DENND4C: variants seen among roughly 807,000 people sequenced by gnomAD.
The protein encoded by DENND4C is DENN domain-containing protein 4C.
DENND4C carries 108 observed loss-of-function variants against 203.0 expected under a neutral mutation model. The ratio of observed to expected loss-of-function variants is 0.53; its 90% CI spans 0.46 to 0.62. DENND4C has a LOEUF of 0.62. DENND4C is among the 20% of genes least tolerant of loss of function. DENND4C has a pLI of 0.00. For synonymous variants in DENND4C, 871 were observed against 792.4 expected, an observed-to-expected ratio of 1.10 and a Z score of -1.67; for missense variants, 2,481 against 2,301.2, an observed-to-expected ratio of 1.08 and a Z score of -1.60.
At chr9:19,233,718 A>G (rs1295609140) in intron 1 of DENND4C, among the ~76,000 whole-genome samples, 4 of 151,634 alleles carry the variant, frequency 2.6e-5, no homozygotes, top group African/African-American at 9.7e-5. Context: ...TCAGCTTCCC[A>G]AATAGCTGGG....
In DENND4C at chr9:19,300,348, C is replaced by G. The variant is rs1389763467; in HGVS notation, c.1311+17C>G. On this transcript the variant is annotated intron_variant, in intron 9 of 32. Transcript: ENST00000434457. ...GTTGTAGCTGTAAGTATAGAATTTT[C>G]CTTTTAGTACAAAATTACTGACATA... 1 of 1,490,784 alleles carries G rather than the reference C, an allele frequency of 6.7e-7. No homozygotes were observed. The highest frequency in any genetic ancestry group is 2.4e-5 in the East Asian group (1 of 42,464). The allele number at this position is 1,490,784 out of a possible 1,614,324, so 92.3% of individuals were successfully genotyped here. A position where few individuals can be genotyped will look rare whatever the true frequency, so the allele number is the denominator to read the frequency against.
At chr9:19,257,006 G>A (rs901510570) in intron 1 of DENND4C, among the ~76,000 whole-genome samples, 1 of 151,612 alleles carries the variant, frequency 6.6e-6, no homozygotes, top group African/African-American at 2.4e-5. Flanking sequence ...GGAGGCGGAG[G>A]TTGCAGTGAG....
At chr9:19,291,703 TA>T (rs61007729) in intron 5 of DENND4C, among the ~76,000 whole-genome samples, 39,655 of 135,260 alleles carry the variant, frequency 0.29, 5,512 homozygotes, top group East Asian at 0.43. Flanking sequence ...ATACTCTTTC[TA>T]AAAAAAAAAA....
chr9:19,323,728 A>G (rs995100671), intron 12 of DENND4C, among the ~76,000 whole-genome samples: 3 of 152,258 alleles, frequency 2.0e-5, no homozygotes, highest in African/African-American at 4.8e-5. Flanking sequence ...GAAATTGACC[A>G]TGGACTCAAG....
rs144760470 is a variant in DENND4C, at chr9:19,362,971, T to A, written c.5524+1008T>A. Among the ~76,000 whole-genome samples, 175 of 152,322 alleles carry A rather than the reference T, an allele frequency of 1.1e-3. 3 individuals are homozygous for A. Among genetic ancestry groups the A allele is most frequent in the Middle Eastern group, 3.4e-3 (1 of 294 alleles). ...TCAAACTGTATTAGTTTGCTAGGGC[T>A]GCCATAATAAAATACCACAGACTGG... On this transcript the variant is annotated intron_variant, in intron 30 of 32. Transcript: ENST00000434457.
intron 1 of DENND4C, among the ~76,000 whole-genome samples, chr9:19,248,948 G>A (rs760363511): frequency 6.6e-6 from 1 of 151,688 alleles, no homozygotes; most frequent in African/African-American, 2.4e-5. Context: ...GAGCCACTAC[G>A]GCCAGCTAAT....
In DENND4C at chr9:19,372,609, C is replaced by T. The variant is rs1829023486; in HGVS notation, c.*436C>T. The stretch of plus-strand genomic sequence containing the variant: ...ACATGGCCGGGCACGGTGGCTCAGG[C>T]CTGTAATCCCAGCACTTTGGGAGGC... On this transcript the variant is annotated 3_prime_UTR_variant, in exon 33 of 33. Transcript: ENST00000434457. 1 of 155,250 alleles carries T rather than the reference C, an allele frequency of 6.4e-6. No individual in the cohort carries two copies. The highest frequency in any genetic ancestry group is 6.3e-5 in the Admixed American group (1 of 15,782). The allele number at this position is 155,250 out of a possible 1,614,324, so 9.6% of individuals were successfully genotyped here.
At chr9:19,308,734 T>C (rs1840177312) in intron 10 of DENND4C, among the ~76,000 whole-genome samples, 1 of 152,210 alleles carries the variant, frequency 6.6e-6, no homozygotes, top group Non-Finnish European at 1.5e-5. Flanking sequence ...TATTTTGCCT[T>C]GAGGCCATGA....
intron 1 of DENND4C, among the ~76,000 whole-genome samples, chr9:19,269,760 T>C (rs1290242020): frequency 1.3e-5 from 2 of 152,196 alleles, no homozygotes; most frequent in Middle Eastern, 3.2e-3. Flanking sequence ...CACTGGTGCC[T>C]CATTTAGTTT....
intron 1 of DENND4C, among the ~76,000 whole-genome samples, chr9:19,257,470 T>C (rs1828278694): frequency 6.6e-6 from 1 of 152,060 alleles, no homozygotes; most frequent in Non-Finnish European, 1.5e-5. Context: ...TCTCAAATCA[T>C]TGACTTCAGC....
At chr9:19,231,145 G>A (rs766309277) in intron 1 of DENND4C, among the ~76,000 whole-genome samples, 77 of 152,350 alleles carry the variant, frequency 5.1e-4, no homozygotes, top group Non-Finnish European at 9.1e-4. Flanking sequence ...AAGCGCGAGG[G>A]GTCTGGGCCC....
chr9:19,330,712 T>C (rs929219770), intron 16 of DENND4C, among the ~76,000 whole-genome samples: 1 of 152,002 alleles, frequency 6.6e-6, no homozygotes, highest in African/African-American at 2.4e-5. Context: ...TTCTGATATA[T>C]GTGATAGGTT....
At chr9:19,322,727 A>G (rs1843086539) in intron 12 of DENND4C, among the ~76,000 whole-genome samples, 1 of 132,338 alleles carries the variant, frequency 7.6e-6, no homozygotes, top group Non-Finnish European at 1.6e-5. Context: ...GTGAGACTTC[A>G]TCTCAAAAAA....
chr9:19,304,050 A>T (rs936434203), intron 9 of DENND4C, among the ~76,000 whole-genome samples: 15 of 129,428 alleles, frequency 1.2e-4, no homozygotes, highest in African/African-American at 5.5e-4. Flanking sequence ...GTCTTTTTTA[A>T]AAAAAAAAAA....
At chr9:19,288,296 G>T (rs995869040) in intron 3 of DENND4C, among the ~76,000 whole-genome samples, 2 of 152,186 alleles carry the variant, frequency 1.3e-5, no homozygotes, top group Non-Finnish European at 2.9e-5. Flanking sequence ...TTGGGCTCCA[G>T]TGCACACTCC....
At chr9:19,289,795 C>T (rs1021932629) in intron 4 of DENND4C, among the ~76,000 whole-genome samples, 1 of 149,362 alleles carries the variant, frequency 6.7e-6, no homozygotes, top group African/African-American at 2.5e-5. Context: ...CACCACTGCA[C>T]TCCAGCCTGG....
At chr9:19,312,417 G>T (rs1563791190) in intron 10 of DENND4C, among the ~76,000 whole-genome samples, 1 of 151,938 alleles carries the variant, frequency 6.6e-6, no homozygotes, top group African/African-American at 2.4e-5. Context: ...ATTATTAAAT[G>T]AAAAAAATCA....
At chr9:19,312,664 G>T (rs984486195) in intron 10 of DENND4C, among the ~76,000 whole-genome samples, 8 of 152,152 alleles carry the variant, frequency 5.3e-5, no homozygotes, top group African/African-American at 1.7e-4. Flanking sequence ...AAAACTCCCA[G>T]TGTGATGGTG....
At chr9:19,348,610 C>T (rs751854322) in intron 23 of DENND4C, among the ~76,000 whole-genome samples, 5 of 151,878 alleles carry the variant, frequency 3.3e-5, no homozygotes, top group Admixed American at 6.6e-5. Context: ...AAAAATTAGA[C>T]GTATAAGACT....
Sources: gnomAD v4.1 joint callset for allele counts (sites outside exome capture counted in the v4.1 genomes callset) on GRCh38, gnomAD v4.1.1 for gene constraint, MANE v1.5 for transcripts, NCBI Gene and HGNC (gene_info 2026-07-23, HGNC 2026-07-21) for gene names.